Variants in KMT2C observed in about 807,000 individuals in gnomAD.
The protein encoded by KMT2C is lysine methyltransferase 2C, also known as histone-lysine N-methyltransferase 2C.
In KMT2C, 88 loss-of-function variants were observed where a neutral mutation model predicts 507.9. The observed-to-expected ratio is 0.17, with a 90% confidence interval of 0.15 to 0.21. KMT2C has a LOEUF of 0.21. KMT2C is among the 10% of genes least tolerant of loss of function. The pLI, the probability that KMT2C is intolerant of heterozygous loss-of-function variation, is 1.00. For missense variants in KMT2C, 4,954 were observed against 5,957.8 expected, an observed-to-expected ratio of 0.83 and a Z score of 5.55; for synonymous variants, 2,049 against 2,080.8, an observed-to-expected ratio of 0.98 and a Z score of 0.42.
intron 1 of KMT2C, among the ~76,000 whole-genome samples, chr7:152,365,850 G>C (rs1349258336): frequency 6.6e-6 from 1 of 152,160 alleles, no homozygotes; most frequent in South Asian, 2.1e-4. Context: ...GTGGGGCATA[G>C]TGGCATGTGC....
chr7:152,258,934 A>G (rs995863818), intron 9 of KMT2C, among the ~76,000 whole-genome samples: 14 of 152,146 alleles, frequency 9.2e-5, no homozygotes, highest in African/African-American at 2.7e-4. Context: ...AAGGAGGGGG[A>G]AAAGAAATTG....
At chr7:152,237,427 C>T (rs2095298552) in intron 15 of KMT2C, among the ~76,000 whole-genome samples, 3 of 152,152 alleles carry the variant, frequency 2.0e-5, no homozygotes, top group African/African-American at 7.2e-5. Context: ...TCCTTGAGAT[C>T]CCTTTTGAGA....
intron 26 of KMT2C, among the ~76,000 whole-genome samples, chr7:152,202,401 A>G (rs1438472714): frequency 6.6e-6 from 1 of 152,232 alleles, no homozygotes. Flanking sequence ...TTTGTAGTCT[A>G]CATCTATCAA....
intron 1 of KMT2C, among the ~76,000 whole-genome samples, chr7:152,434,091 A>G (rs1318760037): frequency 6.6e-6 from 1 of 152,246 alleles, no homozygotes; most frequent in Non-Finnish European, 1.5e-5. Flanking sequence ...GATGCAAAAA[A>G]AAGTGGCTTA....
At chr7:152,251,511 T>C (rs2095561587) in intron 11 of KMT2C, among the ~76,000 whole-genome samples, 1 of 152,170 alleles carries the variant, frequency 6.6e-6, no homozygotes, top group Non-Finnish European at 1.5e-5. Context: ...TTTTTAACAG[T>C]AGGATACTAC....
chr7:152,280,435 C>T (rs1274508224), intron 6 of KMT2C, among the ~76,000 whole-genome samples: 14 of 152,208 alleles, frequency 9.2e-5, no homozygotes, highest in Non-Finnish European at 1.6e-4. Flanking sequence ...CCTGTAATCC[C>T]GGCCACCTGG....
chr7:152,234,988 C>G (rs1465172980), intron 16 of KMT2C, among the ~76,000 whole-genome samples: 1 of 152,094 alleles, frequency 6.6e-6, no homozygotes, highest in Non-Finnish European at 1.5e-5. Flanking sequence ...ACAAATGCAA[C>G]AGCACAGATG....
intron 42 of KMT2C, 122 bp downstream of exon 42, chr7:152,167,024 C>T: frequency 2.7e-6 from 2 of 744,402 alleles, no homozygotes; most frequent in Non-Finnish European, 4.4e-6. Context: ...TGGCAATGTA[C>T]TTTTAATGCC....
chr7:152,221,407 T>G (rs1217370204), intron 22 of KMT2C, among the ~76,000 whole-genome samples: 1 of 152,222 alleles, frequency 6.6e-6, no homozygotes, highest in African/African-American at 2.4e-5. Flanking sequence ...GAAGAGAGAA[T>G]ACTCCAGAAG....
intron 1 of KMT2C, among the ~76,000 whole-genome samples, chr7:152,395,129 T>C (rs2097529093): frequency 6.6e-6 from 1 of 152,140 alleles, no homozygotes. Context: ...GTTTGGTACA[T>C]GTATAATCCC....
intron 2 of KMT2C, among the ~76,000 whole-genome samples, chr7:152,334,107 G>C (rs987870559): frequency 1.3e-5 from 2 of 152,084 alleles, no homozygotes; most frequent in African/African-American, 4.8e-5. Flanking sequence ...AAGGTATTCA[G>C]ATCAAGAATA....
intron 24 of KMT2C, among the ~76,000 whole-genome samples, chr7:152,206,968 G>A (rs2094325687): frequency 6.6e-6 from 1 of 152,068 alleles, no homozygotes; most frequent in African/African-American, 2.4e-5. Context: ...AAGCGTTACA[G>A]AAGTACACAT....
At chr7:152,204,285 A>G (rs7791915) in intron 25 of KMT2C, among the ~76,000 whole-genome samples, 15,908 of 152,090 alleles carry the variant, frequency 0.1, 1,864 homozygotes, top group African/African-American at 0.28. Flanking sequence ...GTAACAGAGG[A>G]AGACTGTCTC....
At chr7:152,163,958 G>C in intron 42 of KMT2C, 132 bp from the exon 43 acceptor site, 1 of 759,214 alleles carries the variant, frequency 1.3e-6, no homozygotes, top group Non-Finnish European at 2.2e-6. Flanking sequence ...ATTTTGCTTG[G>C]GTAACTGCAA....
At chr7:152,267,462 C>T (rs2095876435) in intron 7 of KMT2C, among the ~76,000 whole-genome samples, 2 of 152,198 alleles carry the variant, frequency 1.3e-5, no homozygotes, top group South Asian at 4.1e-4. Context: ...CAGCCAGATC[C>T]CAATTCTTAT....
intron 23 of KMT2C, among the ~76,000 whole-genome samples, chr7:152,211,876 G>T (rs1199370754): frequency 6.6e-6 from 1 of 152,060 alleles, no homozygotes; most frequent in East Asian, 1.9e-4. Flanking sequence ...GTGAAAACCC[G>T]TCTCTACTAA....
At chr7:152,361,393 T>C (rs1180815630) in intron 1 of KMT2C, among the ~76,000 whole-genome samples, 1 of 152,098 alleles carries the variant, frequency 6.6e-6, no homozygotes, top group Non-Finnish European at 1.5e-5. Context: ...ACCCCGTCTC[T>C]ACTAAAAATA....
chr7:152,364,290 G>C (rs1207987203), intron 1 of KMT2C, among the ~76,000 whole-genome samples: 2 of 152,130 alleles, frequency 1.3e-5, no homozygotes. Context: ...GGAACTCAAA[G>C]GTAACATCAA....
At chr7:152,142,176 A>G (rs2090638152) in intron 55 of KMT2C, among the ~76,000 whole-genome samples, 2 of 152,268 alleles carry the variant, frequency 1.3e-5, no homozygotes, top group Admixed American at 1.3e-4. Flanking sequence ...GTCTTGACCA[A>G]GACTAGATGC....
Sources: gnomAD v4.1 joint callset for allele counts (sites outside exome capture counted in the v4.1 genomes callset) on GRCh38, gnomAD v4.1.1 for gene constraint, MANE v1.5 for transcripts, NCBI Gene and HGNC (gene_info 2026-07-23, HGNC 2026-07-21) for gene names.